ZNF292: variants seen among roughly 807,000 people sequenced by gnomAD.
ZNF292 encodes zinc finger protein 292.
A neutral mutation model predicts 217.9 loss-of-function variants in ZNF292; 26 were observed. The ratio of observed to expected loss-of-function variants is 0.12; its 90% CI spans 0.09 to 0.17. The LOEUF is 0.17. Ranked by LOEUF, ZNF292 falls within the 10% of genes least tolerant of loss-of-function variation. ZNF292 has a pLI of 1.00. For synonymous variants in ZNF292, 1,257 were observed against 1,124.1 expected, an observed-to-expected ratio of 1.12 and a Z score of -2.37; for missense variants, 2,904 against 3,175.2, an observed-to-expected ratio of 0.91 and a Z score of 2.05.
At chr6:87,217,367 A>G (rs1017321565) in intron 3 of ZNF292, among the ~76,000 whole-genome samples, 6 of 152,076 alleles carry the variant, frequency 3.9e-5, no homozygotes, top group Admixed American at 6.5e-5. Flanking sequence ...CAGATGCTTA[A>G]TAACTGTTTG....
chr6:87,214,054 C>T (rs1582430955), intron 1 of ZNF292, among the ~76,000 whole-genome samples: 1 of 152,038 alleles, frequency 6.6e-6, no homozygotes, highest in African/African-American at 2.4e-5. Context: ...GTTTCTGAGC[C>T]CCAGCACCTG....
chr6:87,192,678 G>A (rs528839331), intron 1 of ZNF292, among the ~76,000 whole-genome samples: 1 of 152,204 alleles, frequency 6.6e-6, no homozygotes, highest in East Asian at 1.9e-4. Context: ...TTCAAAAATG[G>A]AATTATATAC....
chr6:87,159,164 A>G (rs1007592869), intron 1 of ZNF292, among the ~76,000 whole-genome samples: 2 of 152,146 alleles, frequency 1.3e-5, no homozygotes, highest in African/African-American at 4.8e-5. Context: ...AGATTAATAG[A>G]TTTTTTGAAT....
At chr6:87,188,934 G>A (rs1008779601) in intron 1 of ZNF292, among the ~76,000 whole-genome samples, 1 of 152,036 alleles carries the variant, frequency 6.6e-6, no homozygotes, top group Non-Finnish European at 1.5e-5. Flanking sequence ...GCCAGGCACC[G>A]TGGCTCTTGC....
chr6:87,246,584 G>A (rs981718669), intron 7 of ZNF292, among the ~76,000 whole-genome samples: 5 of 152,194 alleles, frequency 3.3e-5, no homozygotes, highest in Non-Finnish European at 5.9e-5. Flanking sequence ...AAGATCCTGG[G>A]CCAGGCCAGG....
chr6:87,228,799 T>C (rs1350761381), intron 4 of ZNF292, among the ~76,000 whole-genome samples: 1 of 152,238 alleles, frequency 6.6e-6, no homozygotes, highest in African/African-American at 2.4e-5. Flanking sequence ...TCTGTCTTTA[T>C]GCCAGTATCA....
chr6:87,199,743 A>G (rs1257789466), intron 1 of ZNF292, among the ~76,000 whole-genome samples: 3 of 152,218 alleles, frequency 2.0e-5, no homozygotes, highest in African/African-American at 7.2e-5. Flanking sequence ...TGTTTCTAGG[A>G]AAATGTTTTT....
At chr6:87,239,530 G>C (rs1278740896) in intron 5 of ZNF292, among the ~76,000 whole-genome samples, 1 of 151,094 alleles carries the variant, frequency 6.6e-6, no homozygotes, top group Non-Finnish European at 1.5e-5. Flanking sequence ...GGCCGGGCGG[G>C]GGCTGCCCCC....
intron 1 of ZNF292, among the ~76,000 whole-genome samples, chr6:87,205,978 C>T (rs1389673855): frequency 6.6e-6 from 1 of 152,182 alleles, no homozygotes; most frequent in Non-Finnish European, 1.5e-5. Context: ...TGAGGTCTGG[C>T]TAAGTATCTG....
Position 87,239,285 on chromosome 6 carries a change from C to T in ZNF292, c.742-4190C>T, listed in dbSNP as rs1157470672. Reference sequence around the variant, plus strand: ...GCAAAGGCACCCCTCACCTCCCGGACGGGGCGCCAGCTGGGCAGAGGCGCC... The same window carrying T: ...GCAAAGGCACCCCTCACCTCCCGGATGGGGCGCCAGCTGGGCAGAGGCGCC... On this transcript the variant is annotated intron_variant, in intron 5 of 7. Coordinates refer to ENST00000369577, the MANE Select transcript of ZNF292 (RefSeq NM_015021.3). Among the ~76,000 whole-genome samples, 6 of 152,022 alleles carry T rather than the reference C, an allele frequency of 3.9e-5. No homozygotes were observed. The East Asian group carries it at 5.9e-4, about 15-fold the overall frequency.
intron 7 of ZNF292, among the ~76,000 whole-genome samples, 193 bp from the exon 8 acceptor site, chr6:87,254,457 T>C (rs1775098454): frequency 6.6e-6 from 1 of 152,238 alleles, no homozygotes; most frequent in African/African-American, 2.4e-5. Context: ...TTAAACATTT[T>C]CTGCCCTTCT....
intron 5 of ZNF292, among the ~76,000 whole-genome samples, chr6:87,242,370 A>T (rs1774337631): frequency 6.6e-6 from 1 of 152,134 alleles, no homozygotes; most frequent in Admixed American, 6.5e-5. Flanking sequence ...GCCCAATTTA[A>T]TGTGTAAAAT....
At chr6:87,177,341 AT>A (rs1318382660) in intron 1 of ZNF292, among the ~76,000 whole-genome samples, 9 of 151,826 alleles carry the variant, frequency 5.9e-5, no homozygotes, top group Admixed American at 2.0e-4. Flanking sequence ...AAAAAAAAAA[AT>A]GTTTTGAATC....
intron 1 of ZNF292, among the ~76,000 whole-genome samples, chr6:87,172,177 C>T (rs981636096): frequency 6.6e-6 from 1 of 152,144 alleles, no homozygotes; most frequent in Non-Finnish European, 1.5e-5. Context: ...GCTACATTTT[C>T]TTAGTGAAAG....
chr6:87,197,743 A>AAG (rs1771994996), intron 1 of ZNF292, among the ~76,000 whole-genome samples: 1 of 142,874 alleles, frequency 7.0e-6, no homozygotes, highest in South Asian at 2.3e-4. Context: ...AAAAAAAAAA[A>AAG]AAGCATTCAT....
At chr6:87,195,378 G>A (rs1190553431) in intron 1 of ZNF292, among the ~76,000 whole-genome samples, 2 of 152,128 alleles carry the variant, frequency 1.3e-5, no homozygotes, top group African/African-American at 4.8e-5. Flanking sequence ...AAATTCAATG[G>A]GAAAAGTTTA....
At chr6:87,169,984 C>T (rs1179631187) in intron 1 of ZNF292, 1 of 155,042 alleles carries the variant, frequency 6.4e-6, no homozygotes, top group Non-Finnish European at 1.4e-5. Context: ...TTACATTTTG[C>T]ATTTTTCTAC....
chr6:87,173,062 A>T (rs1771159225), intron 1 of ZNF292, among the ~76,000 whole-genome samples: 1 of 152,166 alleles, frequency 6.6e-6, no homozygotes. Flanking sequence ...TTATAGGAAT[A>T]ACTTTATGTA....
chr6:87,200,708 G>A (rs898367901), intron 1 of ZNF292, among the ~76,000 whole-genome samples: 31 of 152,208 alleles, frequency 2.0e-4, no homozygotes, highest in African/African-American at 5.8e-4. Flanking sequence ...ATGCTACAAA[G>A]AGAGTAGGCC....
Sources: gnomAD v4.1 joint callset for allele counts (sites outside exome capture counted in the v4.1 genomes callset) on GRCh38, gnomAD v4.1.1 for gene constraint, MANE v1.5 for transcripts, NCBI Gene and HGNC (gene_info 2026-07-23, HGNC 2026-07-21) for gene names.